The following CPNE4 variants were observed in gnomAD, a reference collection of about 807,000 sequenced individuals.
The protein encoded by CPNE4 is copine 4.
CPNE4 carries 25 observed loss-of-function variants against 67.9 expected under a neutral mutation model. The observed-to-expected ratio is 0.37, with a 90% CI of 0.27 to 0.51. CPNE4 has a LOEUF of 0.51. CPNE4 is among the 20% of genes least tolerant of loss of function. CPNE4 has a pLI of 0.93. For synonymous variants in CPNE4, 242 were observed against 244.9 expected, an observed-to-expected ratio of 0.99 and a Z score of 0.11; for missense variants, 464 against 690.8, an observed-to-expected ratio of 0.67 and a Z score of 3.68.
chr3:131,709,024 T>A (rs1279924098), intron 3 of CPNE4, among the ~76,000 whole-genome samples: 1 of 117,380 alleles, frequency 8.5e-6, no homozygotes, highest in African/African-American at 3.1e-5. Context: ...ATAATACTCA[T>A]AAAAATGTTA....
upstream of CPNE4, among the ~76,000 whole-genome samples, chr3:132,038,291 T>C (rs1345867386): frequency 6.6e-6 from 1 of 152,182 alleles, no homozygotes; most frequent in Non-Finnish European, 1.5e-5. Flanking sequence ...AAAATGAACA[T>C]ACATGTTGCA....
chr3:131,542,644 G>T lies in CPNE4; in HGVS notation c.1452C>A (p.Asp484Glu). ...GTGACCTCAGAATCCCATCATCACC[G>T]TCCAGCATCTGCATGTCACTGAAGT... ...NADFSDMQMLDGDDGILRSPK... is the reference protein window; with the variant it reads ...NADFSDMQMLEGDDGILRSPK... Residue 484 changes from aspartate to glutamate, a missense_variant, in exon 15 of 16, where the codon GAC (aspartate) becomes GAA (glutamate). This residue lies in a region of CPNE4 where 201 missense variants were observed against 357.7 expected (regional missense o/e 0.56). Coordinates refer to ENST00000429747, the MANE Select transcript of CPNE4 (RefSeq NM_130808.3). 6.2e-7 allele frequency: 1 copy of T among 1,614,064 alleles called. No homozygotes were observed. Among genetic ancestry groups the T allele is most frequent in the South Asian group, 1.1e-5 (1 of 91,082 alleles).
At chr3:131,931,225 C>T (rs1438190575) in intron 1 of CPNE4, among the ~76,000 whole-genome samples, 2 of 152,118 alleles carry the variant, frequency 1.3e-5, no homozygotes, top group African/African-American at 2.4e-5. Flanking sequence ...TACCACTAAA[C>T]AAAATTCAAC....
chr3:132,021,711 A>G (rs1369845108), intron 1 of CPNE4, among the ~76,000 whole-genome samples: 1 of 152,194 alleles, frequency 6.6e-6, no homozygotes, highest in Non-Finnish European at 1.5e-5. Context: ...TTTGGGCTGC[A>G]GACTTCAAGT....
chr3:131,866,631 T>G (rs2086962571), intron 2 of CPNE4, among the ~76,000 whole-genome samples: 1 of 152,170 alleles, frequency 6.6e-6, no homozygotes, highest in Non-Finnish European at 1.5e-5. Flanking sequence ...ATGCCCTCAA[T>G]GCAGAATTCT....
intron 1 of CPNE4, among the ~76,000 whole-genome samples, chr3:131,911,367 T>C (rs1043896997): frequency 7.9e-5 from 12 of 152,150 alleles, no homozygotes; most frequent in Non-Finnish European, 1.3e-4. Context: ...GACACCTCGA[T>C]TGCAGACTTG....
intron 11 of CPNE4, among the ~76,000 whole-genome samples, chr3:131,562,382 T>C (rs993975166): frequency 4.6e-5 from 7 of 152,018 alleles, no homozygotes; most frequent in African/African-American, 1.7e-4. Flanking sequence ...AGAAAACCCA[T>C]CAGTCTTCTG....
intron 3 of CPNE4, among the ~76,000 whole-genome samples, chr3:131,718,385 A>C (rs2081792281): frequency 6.6e-6 from 1 of 152,180 alleles, no homozygotes; most frequent in African/African-American, 2.4e-5. Context: ...AAAAACACTT[A>C]AAAGCATCAG....
At chr3:131,654,056 A>G (rs1189234393) in intron 7 of CPNE4, among the ~76,000 whole-genome samples, 2 of 152,158 alleles carry the variant, frequency 1.3e-5, no homozygotes, top group African/African-American at 4.8e-5. Flanking sequence ...TTTGGCCTTT[A>G]TACTCAGAAA....
At chr3:131,845,785 G>A (rs1279122895) in intron 2 of CPNE4, among the ~76,000 whole-genome samples, 2 of 152,180 alleles carry the variant, frequency 1.3e-5, no homozygotes, top group Non-Finnish European at 2.9e-5. Context: ...CTGGCCTGAA[G>A]TTTATGTAGA....
intron 7 of CPNE4, among the ~76,000 whole-genome samples, chr3:131,654,101 C>T (rs776034778): frequency 2.0e-5 from 3 of 152,078 alleles, no homozygotes; most frequent in Non-Finnish European, 4.4e-5. Flanking sequence ...GGTCTAGGTA[C>T]CAGTGGTTTT....
chr3:131,748,540 A>G (rs1004350500), intron 2 of CPNE4, among the ~76,000 whole-genome samples: 11 of 152,066 alleles, frequency 7.2e-5, no homozygotes, highest in Non-Finnish European at 5.9e-5. Flanking sequence ...AACATTGGGT[A>G]GAATTCTCCA....
intron 7 of CPNE4, among the ~76,000 whole-genome samples, chr3:131,656,969 T>C (rs1229525173): frequency 6.6e-6 from 1 of 152,324 alleles, no homozygotes; most frequent in Admixed American, 6.5e-5. Context: ...TACTTGAGCC[T>C]GTTAAGAAAA....
At chr3:131,766,592 C>A (rs1488808336) in intron 2 of CPNE4, among the ~76,000 whole-genome samples, 4 of 152,216 alleles carry the variant, frequency 2.6e-5, no homozygotes, top group African/African-American at 9.6e-5. Flanking sequence ...TACCAGCCAG[C>A]TCAAGCACAG....
chr3:131,589,348 A>G (rs1196149858), intron 7 of CPNE4, among the ~76,000 whole-genome samples: 1 of 152,258 alleles, frequency 6.6e-6, no homozygotes, highest in Non-Finnish European at 1.5e-5. Flanking sequence ...GTCCAAGGGC[A>G]GAAAGAGTGG....
chr3:131,968,582 C>T (rs11926205), intron 1 of CPNE4, among the ~76,000 whole-genome samples: 18,795 of 152,102 alleles, frequency 0.12, 3,810 homozygotes, highest in African/African-American at 0.42. Flanking sequence ...GACATTTATG[C>T]GACCAACAAA....
intron 2 of CPNE4, among the ~76,000 whole-genome samples, chr3:131,891,479 C>T (rs937948178): frequency 1.3e-5 from 2 of 151,774 alleles, no homozygotes; most frequent in Admixed American, 6.6e-5. Flanking sequence ...CACAGGTAAA[C>T]TTGTGTCATA....
At chr3:131,772,908 C>T (rs2083203650) in intron 2 of CPNE4, among the ~76,000 whole-genome samples, 1 of 152,084 alleles carries the variant, frequency 6.6e-6, no homozygotes, top group Admixed American at 6.6e-5. Context: ...AACAGACACC[C>T]ATGGGAGACA....
In CPNE4 at chr3:132,034,667, G is replaced by C; in HGVS notation, c.-102C>G. ...ATCCGGCTTTGAAGTGGAGGTGGTT[G>C]GTGTGGTAGTTTTGTACTGATGTAA... On this transcript the variant is annotated 5_prime_UTR_variant, in exon 1 of 16. Transcript: ENST00000429747. 1 of 985,366 alleles carries C rather than the reference G, an allele frequency of 1.0e-6. No individual in the cohort carries two copies. The highest frequency in any genetic ancestry group is 1.2e-6 in the Non-Finnish European group (1 of 829,978). 61.0% of individuals were successfully genotyped at this position (985,366 alleles called of 1,614,324 possible).
Sources: gnomAD v4.1 joint callset for allele counts (sites outside exome capture counted in the v4.1 genomes callset) on GRCh38, gnomAD v4.1.1 for gene constraint, gnomAD v4.1.1 regional missense constraint, MANE v1.5 for transcripts, NCBI Gene and HGNC (gene_info 2026-07-23, HGNC 2026-07-21) for gene names.